PDE4D: variants seen among roughly 807,000 people sequenced by gnomAD.
PDE4D encodes the protein 3',5'-cyclic-AMP phosphodiesterase 4D.
A neutral mutation model predicts 87.4 loss-of-function variants in PDE4D; 24 were observed. The observed-to-expected ratio is 0.27, with a 90% CI of 0.20 to 0.39. The LOEUF is 0.39. PDE4D is among the 10% of genes least tolerant of loss of function. The pLI is 1.00. For missense variants in PDE4D, 714 were observed against 1,041.0 expected (o/e 0.69, Z 4.32); for synonymous variants, 384 against 383.2 (o/e 1.00, Z -0.02).
At chr5:59,659,082 AAGG>A (rs1744831430) in intron 1 of PDE4D, among the ~76,000 whole-genome samples, 2 of 152,210 alleles carry the variant, frequency 1.3e-5, no homozygotes, top group African/African-American at 4.8e-5. Flanking sequence ...TATGCAATCC[AAGG>A]AGATTTTCAC....
intron 1 of PDE4D, among the ~76,000 whole-genome samples, chr5:59,230,553 T>C (rs1398400007): frequency 6.6e-6 from 1 of 152,240 alleles, no homozygotes; most frequent in African/African-American, 2.4e-5. Flanking sequence ...AAATATTATG[T>C]GTTAAGTATG....
rs1460975854 is a variant in PDE4D, at chr5:59,930,531, C to A, written c.272+57957G>T. Among the ~76,000 whole-genome samples, 3 of 152,194 alleles carry A rather than the reference C, an allele frequency of 2.0e-5. No individual in the cohort carries two copies. The East Asian group carries it at 5.8e-4, about 29-fold the overall frequency. On this transcript the variant is annotated intron_variant, in intron 3 of 16. Transcript: ENST00000502484. ...CAGAACCAACAAGTCCTGCTAACAC[C>A]TTGATTTTAGGCTTCTGACCTCCAG... is the stretch of plus-strand genomic sequence containing the variant.
chr5:59,893,266 G>A lies in PDE4D; in HGVS notation c.357C>T (p.Arg119=). Residue 119 remains arginine, a synonymous_variant, in exon 1 of 15, where the codon CGC becomes CGT. Transcript: ENST00000340635. Reference sequence around the variant, plus strand: ...CCGCGTAGGAGGTGCGGTCCATGGCGCGACAGTACAGGTAGCGCTCGGTGT... The same window carrying A: ...CCGCGTAGGAGGTGCGGTCCATGGCACGACAGTACAGGTAGCGCTCGGTGT... ...YSDTERYLYC[R]AMDRTSYAVE... is the part of the protein sequence containing the mutation. 1 of 1,551,698 alleles carries A rather than the reference G, an allele frequency of 6.4e-7. No individual in the cohort carries two copies. Among genetic ancestry groups the A allele is most frequent in the Middle Eastern group, 1.7e-4 (1 of 5,986 alleles).
Position 59,497,081 on chromosome 5 carries a change from C to A in PDE4D, c.456-281113G>T, listed in dbSNP as rs148099580. ...CTGCAACCAAGGAACCCATACAGAG[C>A]CTTGGCGCCCTGAAAGCACTCAGAA... On this transcript the variant is annotated intron_variant, in intron 1 of 14. Coordinates refer to ENST00000340635, the MANE Select transcript of PDE4D (RefSeq NM_001104631.2). Among the ~76,000 whole-genome samples, 178 of 152,260 alleles carry A rather than the reference C, an allele frequency of 1.2e-3. 2 individuals carry two copies. Among genetic ancestry groups the A allele is most frequent in the African/African-American group, 4.0e-3 (166 of 41,558 alleles).
chr5:59,250,104 A>G (rs1330500358), intron 1 of PDE4D, among the ~76,000 whole-genome samples: 1 of 151,922 alleles, frequency 6.6e-6, no homozygotes, highest in Non-Finnish European at 1.5e-5. Context: ...TTGGCCTCCC[A>G]AAGTGCTGGG....
intron 1 of PDE4D, among the ~76,000 whole-genome samples, chr5:59,414,508 A>G (rs6895550): frequency 0.17 from 25,865 of 152,162 alleles, 2,935 homozygotes; most frequent in African/African-American, 0.31. Context: ...AACATTGGGG[A>G]CATATTTGTG....
At chr5:60,085,686 G>A (rs1582578400) in intron 2 of PDE4D, among the ~76,000 whole-genome samples, 1 of 152,178 alleles carries the variant, frequency 6.6e-6, no homozygotes, top group East Asian at 1.9e-4. Context: ...TGACTCTACA[G>A]TTACTCATTT....
At chr5:59,767,028 ATTTCC>A (rs977980244) in intron 1 of PDE4D, among the ~76,000 whole-genome samples, 7 of 151,918 alleles carry the variant, frequency 4.6e-5, no homozygotes, top group African/African-American at 1.7e-4. Flanking sequence ...CATGGCTTTT[ATTTCC>A]TTTGTCATTG....
At chr5:60,303,810 T>G (rs1754169671) in intron 1 of PDE4D, among the ~76,000 whole-genome samples, 1 of 152,224 alleles carries the variant, frequency 6.6e-6, no homozygotes, top group South Asian at 2.1e-4. Context: ...GTATCAGGTC[T>G]GCTTGATCCA....
chr5:59,275,556 G>GA, intron 1 of PDE4D: 1 of 1,426,534 alleles, frequency 7.0e-7, no homozygotes, highest in Non-Finnish European at 9.1e-7. Context: ...CCTGTCCTCG[G>GA]TCCAGCTCAT....
intron 1 of PDE4D, among the ~76,000 whole-genome samples, chr5:59,548,799 C>T (rs1422738424): frequency 6.6e-6 from 1 of 152,118 alleles, no homozygotes; most frequent in Non-Finnish European, 1.5e-5. Flanking sequence ...CTCAGCTCTG[C>T]AGGGTGCATG....
chr5:60,055,876 T>G (rs181567045), intron 2 of PDE4D, among the ~76,000 whole-genome samples: 3 of 151,662 alleles, frequency 2.0e-5, no homozygotes, highest in Non-Finnish European at 4.4e-5. Flanking sequence ...CAAAATCAAT[T>G]ATAAGGAGGG....
At chr5:60,327,913 T>C (rs972755709) in intron 1 of PDE4D, among the ~76,000 whole-genome samples, 5 of 152,200 alleles carry the variant, frequency 3.3e-5, no homozygotes, top group African/African-American at 1.2e-4. Flanking sequence ...TTTATGTTTT[T>C]TCTACATTTC....
intron 1 of PDE4D, among the ~76,000 whole-genome samples, chr5:59,772,504 T>G (rs1272915023): frequency 6.6e-6 from 1 of 152,230 alleles, no homozygotes; most frequent in Non-Finnish European, 1.5e-5. Flanking sequence ...TTTTAGATTA[T>G]TTGGAATCCT....
intron 6 of PDE4D, among the ~76,000 whole-genome samples, chr5:59,027,491 CAGG>C (rs1196008606): frequency 1.3e-5 from 2 of 152,250 alleles, no homozygotes; most frequent in East Asian, 1.9e-4. Context: ...GAATTCCGCA[CAGG>C]AGGAGATTTG....
intron 1 of PDE4D, among the ~76,000 whole-genome samples, chr5:59,597,192 T>C (rs296406): frequency 0.69 from 105,148 of 151,940 alleles, 37,277 homozygotes; most frequent in South Asian, 0.83. Flanking sequence ...AGAAACCTTA[T>C]GTTGCTATTC....
intron 1 of PDE4D, among the ~76,000 whole-genome samples, chr5:60,330,298 CAAGA>C (rs1757206842): frequency 6.6e-6 from 1 of 152,094 alleles, no homozygotes; most frequent in Non-Finnish European, 1.5e-5. Context: ...TAATGGTAAA[CAAGA>C]GAGACACAAA....
At chr5:59,935,701 A>T (rs1208405263) in intron 3 of PDE4D, among the ~76,000 whole-genome samples, 2 of 152,238 alleles carry the variant, frequency 1.3e-5, no homozygotes, top group Non-Finnish European at 2.9e-5. Context: ...CTTAAAGAGT[A>T]GTCTGAGGAC....
At chr5:59,945,100 A>G (rs1200999300) in intron 3 of PDE4D, among the ~76,000 whole-genome samples, 1 of 152,224 alleles carries the variant, frequency 6.6e-6, no homozygotes, top group Non-Finnish European at 1.5e-5. Flanking sequence ...TTTCACTATT[A>G]TTACTTTGCC....
Sources: gnomAD v4.1 joint callset for allele counts (sites outside exome capture counted in the v4.1 genomes callset) on GRCh38, gnomAD v4.1.1 for gene constraint, MANE v1.5 for transcripts, NCBI Gene and HGNC (gene_info 2026-07-23, HGNC 2026-07-21) for gene names.